PDE10A: variants seen among roughly 807,000 people sequenced by gnomAD.
PDE10A encodes the protein phosphodiesterase 10A, also known as cAMP and cAMP-inhibited cGMP 3',5'-cyclic phosphodiesterase 10A.
In PDE10A, 39 loss-of-function variants were observed where a neutral mutation model predicts 97.7. The ratio of observed to expected loss-of-function variants is 0.40; its 90% CI spans 0.31 to 0.52. The LOEUF (loss-of-function observed/expected upper bound fraction) is 0.52, where lower values mean the gene tolerates loss of function less well. Among genes scored for constraint, PDE10A ranks in the 20% least tolerant of loss-of-function variants. The pLI, the probability that PDE10A is intolerant of heterozygous loss-of-function variation, is 0.56. For synonymous variants in PDE10A, 371 were observed against 376.8 expected (o/e 0.98, Z 0.18); for missense variants, 731 against 1,047.8 (o/e 0.70, Z 4.17).
chr6:165,918,956 C>T (rs1782679776), intron 1 of PDE10A, among the ~76,000 whole-genome samples: 1 of 152,154 alleles, frequency 6.6e-6, no homozygotes, highest in Non-Finnish European at 1.5e-5. Flanking sequence ...ATGGCAAAAG[C>T]ATAAATGCAA....
rs567758189 is a variant in PDE10A at position 165,392,852 on chromosome 6, G to A, written c.2304-56C>T. On this transcript the variant is annotated intron_variant, in intron 15 of 21. Transcript: ENST00000539869. The stretch of plus-strand genomic sequence containing the variant: ...ACCAGTAGAGAATCACTATGTTGTA[G>A]GAGAACTCCCTAGTTTAGGTACATA... The A allele has an allele frequency of 2.9e-5, 44 of 1,512,584 alleles. No individual in the cohort carries two copies. In the East Asian group the frequency reaches 9.2e-4, roughly 32 times the overall value. 93.7% of individuals were successfully genotyped at this position (1,512,584 alleles called of 1,614,324 possible).
chr6:165,604,505 T>C (rs1048099695), intron 1 of PDE10A, among the ~76,000 whole-genome samples: 1 of 134,778 alleles, frequency 7.4e-6, no homozygotes, highest in African/African-American at 3.0e-5. Flanking sequence ...AAGACTGCAC[T>C]TACTCTCTTT....
chr6:165,729,622 A>T (rs1031077928), intron 1 of PDE10A, among the ~76,000 whole-genome samples: 1 of 152,230 alleles, frequency 6.6e-6, no homozygotes, highest in African/African-American at 2.4e-5. Flanking sequence ...TTGTATTCCT[A>T]AATCTTCTTT....
At chr6:165,378,379 C>A (rs1784743464) in intron 18 of PDE10A, among the ~76,000 whole-genome samples, 1 of 152,180 alleles carries the variant, frequency 6.6e-6, no homozygotes, top group African/African-American at 2.4e-5. Flanking sequence ...ATAAAGATGT[C>A]CTCACTTAAG....
intron 1 of PDE10A, among the ~76,000 whole-genome samples, chr6:165,598,902 T>C (rs2128393121): frequency 6.6e-6 from 1 of 152,322 alleles, no homozygotes; most frequent in Non-Finnish European, 1.5e-5. Flanking sequence ...GGGTCAGGAC[T>C]TCTAGCTCCC....
chr6:165,625,701 C>CA (rs1170580330), intron 1 of PDE10A, among the ~76,000 whole-genome samples: 2 of 152,048 alleles, frequency 1.3e-5, no homozygotes, highest in South Asian at 2.1e-4. Context: ...GGGGAAGTTT[C>CA]CCTGCACAAA....
chr6:165,568,099 C>T (rs957833630), intron 1 of PDE10A, among the ~76,000 whole-genome samples: 9 of 148,118 alleles, frequency 6.1e-5, no homozygotes, highest in Admixed American at 2.0e-4. Flanking sequence ...CCTGGGTTCA[C>T]GCCATTCTCC....
rs187984670 is a variant in PDE10A, at chr6:165,554,167, A to G, written c.866-10599T>C. ...AAAGTAAACATGGACAAATGGAATC[A>G]CATCAAGTTAAAAAGCTTCTGCCCA... On this transcript the variant is annotated intron_variant, in intron 1 of 21. Transcript: ENST00000539869. Among the ~76,000 whole-genome samples, 14 of 152,294 alleles carry G rather than the reference A, an allele frequency of 9.2e-5. No individual in the cohort carries two copies. The East Asian group carries it at 1.9e-3, about 21-fold the overall frequency.
At chr6:165,431,114 TC>T (rs1789520359) in intron 8 of PDE10A, among the ~76,000 whole-genome samples, 1 of 152,054 alleles carries the variant, frequency 6.6e-6, no homozygotes, top group Admixed American at 6.6e-5. Context: ...AGGAGATTGT[TC>T]CTAGGTTTTC....
At chr6:165,427,209 T>C (rs927949483) in intron 10 of PDE10A, among the ~76,000 whole-genome samples, 2 of 152,118 alleles carry the variant, frequency 1.3e-5, no homozygotes, top group African/African-American at 4.8e-5. Flanking sequence ...ATGGAAACAA[T>C]GCAAATGTCT....
At chr6:165,637,647 G>T (rs1319716518) in intron 1 of PDE10A, among the ~76,000 whole-genome samples, 1 of 152,150 alleles carries the variant, frequency 6.6e-6, no homozygotes, top group Non-Finnish European at 1.5e-5. Context: ...AGTGGCAAAA[G>T]GTTCTGCGTC....
At chr6:165,523,880 G>A (rs1351158531) in intron 2 of PDE10A, among the ~76,000 whole-genome samples, 1 of 152,228 alleles carries the variant, frequency 6.6e-6, no homozygotes, top group Non-Finnish European at 1.5e-5. Flanking sequence ...AATCCTGGGT[G>A]TGTCTGTGAG....
intron 1 of PDE10A, among the ~76,000 whole-genome samples, chr6:165,792,121 C>T (rs1036659099): frequency 1.3e-5 from 2 of 152,202 alleles, no homozygotes; most frequent in African/African-American, 2.4e-5. Context: ...CAGTCATGCA[C>T]CCGCATTCCC....
At chr6:165,620,920 C>A (rs984857535) in intron 1 of PDE10A, among the ~76,000 whole-genome samples, 1 of 151,400 alleles carries the variant, frequency 6.6e-6, no homozygotes. Flanking sequence ...ACTAGGGAGG[C>A]TGAGACAGGG....
rs114286941 is a variant in PDE10A, at chr6:165,584,579, A to T, written c.866-41011T>A. Among the ~76,000 whole-genome samples the T allele has an allele frequency of 3.6e-3, 542 of 152,294 alleles. 1 individual carries two copies. The highest frequency in any genetic ancestry group is 0.012 in the African/African-American group (510 of 41,566). On this transcript the variant is annotated intron_variant, in intron 1 of 21. Coordinates refer to ENST00000539869, the MANE Select transcript of PDE10A (RefSeq NM_001385079.1). ...CCATTTTGTGTCTCTTGCTTATCCCAGCAAGTGAACAAAGCCTTAGTTATT... is the reference window on the plus strand; with the variant it reads ...CCATTTTGTGTCTCTTGCTTATCCCTGCAAGTGAACAAAGCCTTAGTTATT...
At chr6:165,734,324 C>T (rs968191955) in intron 1 of PDE10A, among the ~76,000 whole-genome samples, 5 of 152,082 alleles carry the variant, frequency 3.3e-5, no homozygotes, top group Admixed American at 3.3e-4. Context: ...ACCCGAGCCA[C>T]ACACATGCTT....
intron 1 of PDE10A, among the ~76,000 whole-genome samples, chr6:165,906,008 CT>C (rs1782257493): frequency 7.9e-5 from 4 of 50,828 alleles, no homozygotes; most frequent in Admixed American, 2.3e-4. Context: ...TCCTTCCTTC[CT>C]TCCTTCCCTC....
At chr6:165,891,708 C>A (rs1781804141) in intron 1 of PDE10A, among the ~76,000 whole-genome samples, 1 of 127,284 alleles carries the variant, frequency 7.9e-6, no homozygotes, top group African/African-American at 2.9e-5. Flanking sequence ...ATTCTTGTTC[C>A]TCCCTATTTT....
intron 21 of PDE10A, among the ~76,000 whole-genome samples, chr6:165,335,736 C>T (rs1392490070): frequency 6.6e-6 from 1 of 152,130 alleles, no homozygotes; most frequent in Admixed American, 6.5e-5. Flanking sequence ...CCTGGCACCC[C>T]ACTCAGACTG....
Sources: allele counts gnomAD v4.1 joint callset (sites outside exome capture counted in the v4.1 genomes callset), GRCh38; gene constraint gnomAD v4.1.1; transcripts MANE v1.5; gene names NCBI Gene and HGNC (gene_info 2026-07-23, HGNC 2026-07-21).